Variants in PACS2 observed in about 807,000 individuals in gnomAD.
The protein encoded by PACS2 is PACS1-like protein.
A neutral mutation model predicts 113.0 loss-of-function variants in PACS2; 36 were observed. That is an observed-to-expected ratio of 0.32 (90% CI 0.24 to 0.42). The LOEUF (loss-of-function observed/expected upper bound fraction) is 0.42. PACS2 is among the 10% of genes least tolerant of loss of function. The pLI is 1.00. For missense variants in PACS2, 1,015 were observed against 1,239.5 expected (o/e 0.82, Z 2.72); for synonymous variants, 589 against 536.1 (o/e 1.10, Z -1.36).
rs2081523640 is a variant in PACS2 at position 105,396,215 on chromosome 14, GCAGAGCCCCAGCCCCTCCCAGC to G, written c.*1553_*1574del. 1.3e-5 allele frequency: 2 copies of G among 152,454 alleles called. No individual in the cohort carries two copies. Among genetic ancestry groups the G allele is most frequent in the South Asian group, 4.1e-4 (2 of 4,824 alleles). The allele number at this position is 152,454 out of a possible 1,614,324, so 9.4% of individuals were successfully genotyped here. Reference sequence around the variant, plus strand: ...CTCAGAGGTAGCCTGTGTGCAGGAGGCAGAGCCCCAGCCCCTCCCAGCCAGAGCCCCTCCACACCAGGGACTC... The same window carrying G: ...CTCAGAGGTAGCCTGTGTGCAGGAGGCAGAGCCCCTCCACACCAGGGACTC... On this transcript the variant is annotated 3_prime_UTR_variant, in exon 25 of 25. Coordinates refer to ENST00000447393, the MANE Select transcript of PACS2 (RefSeq NM_001100913.3).
At chr14:105,336,245 T>G (rs2059514963) in intron 1 of PACS2, among the ~76,000 whole-genome samples, 1 of 152,226 alleles carries the variant, frequency 6.6e-6, no homozygotes, top group South Asian at 2.1e-4. Context: ...CTTGCCTGCC[T>G]GGAGGAAAGT....
intron 1 of PACS2, among the ~76,000 whole-genome samples, chr14:105,304,731 G>A (rs2058132138): frequency 6.6e-6 from 1 of 152,238 alleles, no homozygotes; most frequent in South Asian, 2.1e-4. Flanking sequence ...GGCTGCAGAG[G>A]CCTCACAATC....
upstream of PACS2, among the ~76,000 whole-genome samples, chr14:105,310,296 C>T (rs888870125): frequency 1.1e-4 from 16 of 150,340 alleles, no homozygotes; most frequent in Non-Finnish European, 2.1e-4. Context: ...TTTGGGAGGT[C>T]GAGGCGGGCG....
In PACS2 at chr14:105,392,501, C is replaced by T. The variant is rs1313292755; in HGVS notation, c.2256-118C>T. On this transcript the variant is annotated intron_variant, in intron 22 of 24. Transcript: ENST00000447393. ...CATGCTCCAAGCACCCGGCCCTCCT[C>T]TGCTGGCAAGTTGGCACAGGTGCTG... 4.7e-6 allele frequency: 4 copies of T among 853,004 alleles called. No individual in the cohort carries two copies. In the African/African-American group the frequency reaches 6.7e-5, roughly 14 times the overall value. The allele number at this position is 853,004 out of a possible 1,614,324, so 52.8% of individuals were successfully genotyped here.
At chr14:105,327,896 G>C (rs970342767) in intron 1 of PACS2, among the ~76,000 whole-genome samples, 1 of 150,824 alleles carries the variant, frequency 6.6e-6, no homozygotes, top group Non-Finnish European at 1.5e-5. Context: ...TTGGCTCACC[G>C]GCCCAGGCCA....
chr14:105,376,000 A>G (rs1202021432), intron 8 of PACS2, among the ~76,000 whole-genome samples: 11 of 152,136 alleles, frequency 7.2e-5, no homozygotes, highest in African/African-American at 2.7e-4. Flanking sequence ...ATCATGGCAG[A>G]AGGGGAAGCA....
chr14:105,380,860 C>T, intron 11 of PACS2, 97 bp from the exon 12 acceptor site: 2 of 1,245,780 alleles, frequency 1.6e-6, no homozygotes, highest in Non-Finnish European at 1.1e-6. Context: ...CCTAGAGAGG[C>T]CTAAACCCTC....
chr14:105,381,179 G>A, intron 12 of PACS2, 80 bp downstream of exon 12: 3 of 1,277,034 alleles, frequency 2.3e-6, no homozygotes, highest in South Asian at 1.4e-5. Context: ...GTCGGGGTGG[G>A]TGCGTGTCAG....
rs993869959 is a variant in PACS2 at position 105,317,474 on chromosome 14, AT to A, written c.119+2440del. ...GGGACGAGAGTCCCCACTGCTCCACATTTGTGCCAACACTCATTTGACTTAA... is the reference window on the plus strand; with the variant it reads ...GGGACGAGAGTCCCCACTGCTCCACATTGTGCCAACACTCATTTGACTTAA... On this transcript the variant is annotated intron_variant, in intron 1 of 24. Transcript: ENST00000447393. The surrounding 1 kb of genome is among the most constrained non-coding windows in gnomAD (Gnocchi z 4.2). 2.5e-4 allele frequency among the ~76,000 whole-genome samples: 38 copies of A among 152,190 alleles called. No homozygotes were observed. Among genetic ancestry groups the A allele is most frequent in the African/African-American group, 8.9e-4 (37 of 41,524 alleles).
In PACS2 at chr14:105,323,041, G is replaced by A. The variant is rs2058958988; in HGVS notation, c.119+8004G>A. The stretch of plus-strand genomic sequence containing the variant: ...GCTTTGCTGTAAGAGGTCAGCGGCC[G>A]TGACAGGCTGGAGGGAGACGTCTGG... On this transcript the variant is annotated intron_variant, in intron 1 of 24. Transcript: ENST00000447393. The surrounding 1 kb of genome is among the most constrained non-coding windows in gnomAD (Gnocchi z 4.1). Among the ~76,000 whole-genome samples, 2 of 152,170 alleles carry A rather than the reference G, an allele frequency of 1.3e-5. No individual in the cohort carries two copies. The highest frequency in any genetic ancestry group is 6.5e-5 in the Admixed American group (1 of 15,280).
intron 1 of PACS2, among the ~76,000 whole-genome samples, chr14:105,306,507 G>A (rs1317798885): frequency 6.6e-6 from 1 of 152,006 alleles, no homozygotes; most frequent in Non-Finnish European, 1.5e-5. Flanking sequence ...GTTTCACCAT[G>A]TTGGCCAGGA....
chr14:105,304,547 T>C (rs948678594), intron 1 of PACS2, among the ~76,000 whole-genome samples: 1 of 152,206 alleles, frequency 6.6e-6, no homozygotes, highest in African/African-American at 2.4e-5. Flanking sequence ...TACTGGGCAA[T>C]GGCCCAAGGT....
chr14:105,392,475 G>A (rs781883792), intron 22 of PACS2, 144 bp from the exon 23 acceptor site: 6 of 675,686 alleles, frequency 8.9e-6, no homozygotes, highest in Non-Finnish European at 1.3e-5. Flanking sequence ...GCTCCACAGA[G>A]CATGCTCCAA....
In PACS2 at chr14:105,330,991, T is replaced by C. The variant is rs1314411148; in HGVS notation, c.119+15954T>C. On this transcript the variant is annotated intron_variant, in intron 1 of 24. Transcript: ENST00000447393. The surrounding 1 kb of genome is among the most constrained non-coding windows in gnomAD (Gnocchi z 6.9). ...TTTTTTTTTTGAGACAGAGTCATCC[T>C]GTTGCCCAGGCTGGAGTGCAGTGGC... Among the ~76,000 whole-genome samples, 1 of 151,950 alleles carries C rather than the reference T, an allele frequency of 6.6e-6. No individual in the cohort carries two copies. The highest frequency in any genetic ancestry group is 6.6e-5 in the Admixed American group (1 of 15,262).
intron 1 of PACS2, among the ~76,000 whole-genome samples, chr14:105,334,369 C>T (rs79703467): frequency 6.6e-6 from 1 of 152,228 alleles, no homozygotes; most frequent in African/African-American, 2.4e-5. Context: ...TGACGCAGAC[C>T]AGACCTGGCT....
rs979472662 is a variant in PACS2, at chr14:105,349,626, G to A, written c.207+1046G>A. 9.2e-5 allele frequency among the ~76,000 whole-genome samples: 14 copies of A among 152,382 alleles called. No individual in the cohort carries two copies. The South Asian group carries it at 1.0e-3, about 11-fold the overall frequency. ...AGTGCGAGGAGGCCTGAGGCTTGTT[G>A]TCTGTCCCAGTCAATTGCCACTATG... On this transcript the variant is annotated intron_variant, in intron 2 of 24. Transcript: ENST00000447393.
At chr14:105,302,871 G>T (rs2058080817) in intron 1 of PACS2, among the ~76,000 whole-genome samples, 1 of 151,950 alleles carries the variant, frequency 6.6e-6, no homozygotes, top group South Asian at 2.1e-4. Flanking sequence ...ATGAGCCACT[G>T]CTCCCCGCCC....
At chr14:105,386,532 C>T (rs587754220) in intron 19 of PACS2, among the ~76,000 whole-genome samples, 1 of 152,304 alleles carries the variant, frequency 6.6e-6, no homozygotes, top group South Asian at 2.1e-4. Context: ...TCAGACAGAG[C>T]CACCCCTTTT....
chr14:105,312,207 C>T (rs1047121787), upstream of PACS2, among the ~76,000 whole-genome samples: 1 of 152,222 alleles, frequency 6.6e-6, no homozygotes, highest in Non-Finnish European at 1.5e-5. Context: ...AGGGACCTAG[C>T]GAAGCCAGGC....
Sources: allele counts gnomAD v4.1 joint callset (sites outside exome capture counted in the v4.1 genomes callset), GRCh38; gene constraint gnomAD v4.1.1; non-coding constraint Gnocchi (gnomAD v3.1); transcripts MANE v1.5; gene names NCBI Gene and HGNC (gene_info 2026-07-23, HGNC 2026-07-21).